The following FYB1 variants were observed in gnomAD, a reference collection of about 807,000 sequenced individuals.
The protein encoded by FYB1 is FYN-binding protein 1.
In FYB1, 41 loss-of-function variants were observed where a neutral mutation model predicts 94.1. The observed-to-expected ratio is 0.44, with a 90% CI of 0.34 to 0.57. The LOEUF is 0.57. Among genes scored for constraint, FYB1 ranks in the 20% least tolerant of loss-of-function variants. The pLI, the probability that FYB1 is intolerant of heterozygous loss-of-function variation, is 0.02. For missense variants in FYB1, 1,050 were observed against 976.8 expected (o/e 1.07, Z -1.00); for synonymous variants, 367 against 353.2 (o/e 1.04, Z -0.44).
At chr5:39,141,290 T>TA in intron 3 of FYB1, 149 bp from the exon 4 acceptor site, 1 of 640,994 alleles carries the variant, frequency 1.6e-6, no homozygotes, top group Non-Finnish European at 2.8e-6. Flanking sequence ...GCATAGGCTT[T>TA]AGCCTTATAC....
At chr5:39,169,072 T>C (rs1004843390) in intron 2 of FYB1, 2 of 563,746 alleles carry the variant, frequency 3.5e-6, no homozygotes, top group South Asian at 4.2e-5. Context: ...AATACTTGCA[T>C]AATAACTTAA....
At chr5:39,137,964 G>A in intron 6 of FYB1, 1 of 490,414 alleles carries the variant, frequency 2.0e-6, no homozygotes, top group South Asian at 2.2e-5. Flanking sequence ...GCAAGTGGAA[G>A]CCACCGTTTA....
At position 39,202,235 on chromosome 5, in the gene FYB1, C is replaced by T; in HGVS notation, c.726G>A (p.Arg242=). ...CATGGTCTTTATTTTCTGAGTCTTC[C>T]CTTGCTGGTTTTAAAGGGCCGCTTT... The part of the protein sequence containing the change: ...RSKSGPLKPA[R]EDSENKDHAG... Residue 242 remains arginine, a synonymous_variant, in exon 2 of 19, where the codon AGG becomes AGA. Transcript: ENST00000512982. 6.2e-7 allele frequency: 1 copy of T among 1,613,938 alleles called. No individual in the cohort carries two copies. The highest frequency in any genetic ancestry group is 8.5e-7 in the Non-Finnish European group (1 of 1,179,892).
At chr5:39,244,361 A>C (rs1286123562) in intron 1 of FYB1, among the ~76,000 whole-genome samples, 1 of 151,996 alleles carries the variant, frequency 6.6e-6, no homozygotes, top group Admixed American at 6.5e-5. Context: ...AGGACTGTTG[A>C]ATTTTGTCAA....
chr5:39,216,364 G>A (rs879919606), intron 1 of FYB1, among the ~76,000 whole-genome samples: 6 of 151,936 alleles, frequency 3.9e-5, no homozygotes, highest in East Asian at 1.9e-4. Flanking sequence ...AATTCTACCC[G>A]CAGCTCCCTC....
intron 1 of FYB1, among the ~76,000 whole-genome samples, chr5:39,267,337 A>C (rs1012890976): frequency 6.6e-6 from 1 of 151,528 alleles, no homozygotes; most frequent in African/African-American, 2.4e-5. Context: ...CTTACTCTCC[A>C]CAACAATCCT....
rs199754830 is a variant in FYB1 at position 39,202,642 on chromosome 5, C to T, written c.319G>A (p.Val107Met). ...SLTTRDPEAK[V>M]GFLKPVGPKP... ...GGGCCTACAGGTTTCAGAAATCCCA[C>T]TTTCGCCTCGGGGTCTCTGGTGGTC... is the stretch of plus-strand genomic sequence containing the variant. Residue 107 changes from valine (V) to methionine (M), a missense_variant, in exon 2 of 19, where the codon GTG becomes ATG. Val to Met is a conservative substitution (Grantham distance 21). Coordinates refer to ENST00000512982, the MANE Select transcript of FYB1 (RefSeq NM_001465.6). 1.9e-6 allele frequency: 3 copies of T among 1,613,862 alleles called. No homozygotes were observed. The highest frequency in any genetic ancestry group is 4.5e-5 in the East Asian group (2 of 44,872).
chr5:39,109,028 A>G (rs1738807669), intron 17 of FYB1, among the ~76,000 whole-genome samples: 1 of 152,130 alleles, frequency 6.6e-6, no homozygotes, highest in Admixed American at 6.6e-5. Flanking sequence ...AAAAATAGAG[A>G]GCATTATAAA....
chr5:39,134,534 T>C (rs908317696), intron 8 of FYB1, among the ~76,000 whole-genome samples, 185 bp from the exon 9 acceptor site: 1 of 152,226 alleles, frequency 6.6e-6, no homozygotes, highest in Non-Finnish European at 1.5e-5. Context: ...CTAATCCTGT[T>C]GTAGTTTAAT....
At chr5:39,157,923 T>C (rs1743903213) in intron 2 of FYB1, among the ~76,000 whole-genome samples, 2 of 152,322 alleles carry the variant, frequency 1.3e-5, no homozygotes, top group East Asian at 1.9e-4. Flanking sequence ...ACTGTTGTCC[T>C]GAGACAGACT....
chr5:39,194,261 C>T (rs1346576591), intron 2 of FYB1, among the ~76,000 whole-genome samples: 1 of 152,140 alleles, frequency 6.6e-6, no homozygotes, highest in Non-Finnish European at 1.5e-5. Context: ...TGGCTCATGT[C>T]TGTAATCTCA....
intron 16 of FYB1, among the ~76,000 whole-genome samples, chr5:39,110,992 C>T (rs965820815): frequency 2.6e-5 from 4 of 151,916 alleles, no homozygotes; most frequent in African/African-American, 9.7e-5. Flanking sequence ...CATTTCATCA[C>T]TCATGGAGCA....
chr5:39,195,169 T>C (rs149537980), intron 2 of FYB1, among the ~76,000 whole-genome samples: 6 of 152,348 alleles, frequency 3.9e-5, no homozygotes, highest in South Asian at 2.1e-4. Context: ...TTTTGTATCA[T>C]GTTCTTACGT....
chr5:39,139,099 G>T (rs1191671357), intron 5 of FYB1, 134 bp downstream of exon 5: 9 of 952,206 alleles, frequency 9.5e-6, no homozygotes, highest in Non-Finnish European at 1.3e-5. Flanking sequence ...GATGAAATAA[G>T]ATTAGAAATG....
At chr5:39,224,869 A>G (rs1349675510) in intron 1 of FYB1, among the ~76,000 whole-genome samples, 1 of 152,140 alleles carries the variant, frequency 6.6e-6, no homozygotes, top group African/African-American at 2.4e-5. Context: ...GCTTTCTTCC[A>G]AGTAGGAAAC....
intron 1 of FYB1, among the ~76,000 whole-genome samples, chr5:39,208,651 C>T (rs748709698): frequency 2.0e-5 from 3 of 152,144 alleles, no homozygotes; most frequent in Non-Finnish European, 4.4e-5. Flanking sequence ...ACAAGAGAAA[C>T]GGTTCCAGAA....
At chr5:39,272,445 A>G (rs895137169) in intron 1 of FYB1, among the ~76,000 whole-genome samples, 1 of 151,910 alleles carries the variant, frequency 6.6e-6, no homozygotes, top group Admixed American at 6.6e-5. Flanking sequence ...CAGGCGGATC[A>G]TGGGGTCAGG....
intron 3 of FYB1, among the ~76,000 whole-genome samples, chr5:39,148,395 T>TG (rs1396241350): frequency 2.0e-4 from 19 of 97,254 alleles, no homozygotes; most frequent in Admixed American, 6.6e-4. Flanking sequence ...TTTTTTTTTT[T>TG]TTTTTTTTTT....
In FYB1 at chr5:39,107,379, C is replaced by T. The variant is rs1034134756; in HGVS notation, c.*64G>A. The T allele has an allele frequency of 5.4e-5, 65 of 1,201,132 alleles. No homozygotes were observed. Among genetic ancestry groups the T allele is most frequent in the Admixed American group, 5.3e-4 (20 of 37,860 alleles). The allele number at this position is 1,201,132 out of a possible 1,614,324, so 74.4% of individuals were successfully genotyped here. ...AATTTTCTTGATACCCAATAACATG[C>T]CAATTAAAATCCAGACTTCACATTG... On this transcript the variant is annotated 3_prime_UTR_variant, in exon 19 of 19. Transcript: ENST00000512982.
Sources: allele counts gnomAD v4.1 joint callset (sites outside exome capture counted in the v4.1 genomes callset), GRCh38; gene constraint gnomAD v4.1.1; transcripts MANE v1.5; gene names NCBI Gene and HGNC (gene_info 2026-07-23, HGNC 2026-07-21).